TENM1: variants seen among roughly 807,000 people sequenced by gnomAD.
TENM1 encodes the protein teneurin transmembrane protein 1, also known as teneurin-1.
Under a neutral mutation model 174.8 loss-of-function variants are expected in TENM1, and 35 were observed. The ratio of observed to expected loss-of-function variants is 0.20; its 90% CI spans 0.15 to 0.27. TENM1 has a LOEUF of 0.27. TENM1 is among the 10% of genes least tolerant of loss of function. TENM1 has a pLI of 1.00. For synonymous variants in TENM1, 781 were observed against 798.7 expected, an observed-to-expected ratio of 0.98 and a Z score of 0.37; for missense variants, 1,633 against 2,130.1, an observed-to-expected ratio of 0.77 and a Z score of 4.59.
At chrX:124,941,024 T>C (rs377167217) in intron 1 of TENM1, among the ~76,000 whole-genome samples, 1 of 111,597 alleles carries the variant, frequency 9.0e-6, no homozygotes, top group African/African-American at 3.3e-5. Context: ...AAAAAACAAA[T>C]TAATGAGACA....
chrX:125,142,805 G>C, the TENM1 span, among the ~76,000 whole-genome samples: 2 of 111,164 alleles, frequency 1.8e-5, no homozygotes. Flanking sequence ...CATGTATGCT[G>C]TCTATACATA....
chrX:124,811,832 C>T (rs946182373), intron 3 of TENM1, among the ~76,000 whole-genome samples: 10 of 110,697 alleles, frequency 9.0e-5, no homozygotes, highest in African/African-American at 3.3e-4. Context: ...TACAATTAAG[C>T]CATGAAAAAG....
upstream of TENM1, among the ~76,000 whole-genome samples, chrX:124,968,336 G>A (rs891908232): frequency 4.5e-5 from 5 of 111,607 alleles, no homozygotes; most frequent in East Asian, 2.8e-4. Flanking sequence ...CAAACCTAAC[G>A]ATTTAAATTT....
At chrX:125,046,790 A>G in the TENM1 span, among the ~76,000 whole-genome samples, 6 of 110,901 alleles carry the variant, frequency 5.4e-5, no homozygotes, top group African/African-American at 2.0e-4. Flanking sequence ...TTGAGACAAA[A>G]GAACTGATAG....
At chrX:124,511,626 A>C (rs1336084007) in intron 18 of TENM1, among the ~76,000 whole-genome samples, 1 of 111,860 alleles carries the variant, frequency 8.9e-6, no homozygotes, top group African/African-American at 3.3e-5. Flanking sequence ...TGCCATGCCT[A>C]CCAGGCAGGA....
chrX:125,000,492 A>G, the TENM1 span, among the ~76,000 whole-genome samples: 1 of 111,756 alleles, frequency 8.9e-6, no homozygotes, highest in Non-Finnish European at 1.9e-5. Context: ...TTCCTTTAGG[A>G]GGCTCATGTT....
intron 20 of TENM1, among the ~76,000 whole-genome samples, chrX:124,489,688 A>G (rs1046063566): frequency 1.3e-4 from 14 of 111,965 alleles, no homozygotes; most frequent in Admixed American, 5.7e-4. Flanking sequence ...AAGGGATGGA[A>G]AAGAGGACAT....
At chrX:125,082,969 C>A in the TENM1 span, among the ~76,000 whole-genome samples, 2 of 111,049 alleles carry the variant, frequency 1.8e-5, no homozygotes, top group African/African-American at 6.5e-5. Context: ...TTAAAATGTA[C>A]AATAAATTAT....
At chrX:125,135,654 G>GC in the TENM1 span, among the ~76,000 whole-genome samples, 28 of 111,742 alleles carry the variant, frequency 2.5e-4, no homozygotes, top group African/African-American at 7.1e-4. Flanking sequence ...ACATTGCAAT[G>GC]AATGTTAATA....
chrX:124,829,487 T>C (rs2056241509), intron 3 of TENM1, among the ~76,000 whole-genome samples: 1 of 111,958 alleles, frequency 8.9e-6, no homozygotes, highest in African/African-American at 3.3e-5. Flanking sequence ...AGGAATCATC[T>C]CTTATGGTTA....
At chrX:124,960,228 T>C (rs766031940) in intron 1 of TENM1, among the ~76,000 whole-genome samples, 1 of 112,186 alleles carries the variant, frequency 8.9e-6, no homozygotes, top group African/African-American at 3.2e-5. Flanking sequence ...CTGTATACTT[T>C]GCACTTGCTT....
At chrX:124,900,299 T>C (rs750639496) in intron 1 of TENM1, among the ~76,000 whole-genome samples, 55 of 111,896 alleles carry the variant, frequency 4.9e-4, no homozygotes, top group Non-Finnish European at 1.0e-3. Context: ...AAAATCTACA[T>C]ATGGTATGCT....
chrX:124,957,391 C>A (rs1362037232), intron 1 of TENM1, among the ~76,000 whole-genome samples: 1 of 110,638 alleles, frequency 9.0e-6, no homozygotes, highest in East Asian at 2.8e-4. Flanking sequence ...TGAGACCAGT[C>A]TAGCCAACAT....
chrX:125,184,735 T>C, the TENM1 span, among the ~76,000 whole-genome samples: 2 of 111,730 alleles, frequency 1.8e-5, no homozygotes, highest in Non-Finnish European at 3.8e-5. Flanking sequence ...CTTTTGACTT[T>C]TTTACAGCTT....
At chrX:124,951,089 T>C (rs1341095276) in intron 1 of TENM1, among the ~76,000 whole-genome samples, 1 of 111,742 alleles carries the variant, frequency 8.9e-6, no homozygotes, top group Non-Finnish European at 1.9e-5. Context: ...CCACAGTACA[T>C]AAATACATGC....
intron 11 of TENM1, among the ~76,000 whole-genome samples, chrX:124,631,850 T>C (rs2050763041): frequency 1.0e-5 from 1 of 100,024 alleles, no homozygotes; most frequent in Non-Finnish European, 2.0e-5. Context: ...GATCAAGCCA[T>C]TGCACTCCAG....
At chrX:124,646,258 A>G (rs2051155845) in intron 9 of TENM1, among the ~76,000 whole-genome samples, 1 of 112,170 alleles carries the variant, frequency 8.9e-6, no homozygotes, top group African/African-American at 3.2e-5. Context: ...ATTTGGTGAT[A>G]ACCCACCCCT....
intron 23 of TENM1, among the ~76,000 whole-genome samples, chrX:124,451,289 A>C (rs955795826): frequency 4.5e-5 from 5 of 110,988 alleles, no homozygotes; most frequent in Admixed American, 2.9e-4. Context: ...CTAAAAAAAA[A>C]ACCAAAAAAA....
intron 1 of TENM1, among the ~76,000 whole-genome samples, chrX:124,948,808 C>T (rs1486469716): frequency 8.9e-6 from 1 of 112,175 alleles, no homozygotes; most frequent in Non-Finnish European, 1.9e-5. Flanking sequence ...CTCACCTTGG[C>T]CTCCTAAAAT....
Sources: allele counts gnomAD v4.1 joint callset (sites outside exome capture counted in the v4.1 genomes callset), GRCh38; gene constraint gnomAD v4.1.1; transcripts MANE v1.5; gene names NCBI Gene and HGNC (gene_info 2026-07-23, HGNC 2026-07-21).